PIP5K1A: variants seen among roughly 807,000 people sequenced by gnomAD.
PIP5K1A encodes the protein phosphatidylinositol 4-phosphate 5-kinase type-1 alpha.
A neutral mutation model predicts 72.9 loss-of-function variants in PIP5K1A; 46 were observed. The ratio of observed to expected loss-of-function variants is 0.63; its 90% CI spans 0.50 to 0.81. PIP5K1A has a LOEUF of 0.81. Ranked by LOEUF, PIP5K1A falls within the 30% of genes least tolerant of loss-of-function variation. PIP5K1A has a pLI of 0.00. For missense variants in PIP5K1A, 458 were observed against 706.1 expected, an observed-to-expected ratio of 0.65 and a Z score of 3.98; for synonymous variants, 228 against 255.1, an observed-to-expected ratio of 0.89 and a Z score of 1.01.
intron 1 of PIP5K1A, among the ~76,000 whole-genome samples, chr1:151,202,875 C>G (rs967667969): frequency 6.6e-6 from 1 of 151,654 alleles, no homozygotes; most frequent in African/African-American, 2.4e-5. Context: ...AGAGTTCAAG[C>G]GATTCTCCTG....
In PIP5K1A at chr1:151,232,268, C is replaced by T; in HGVS notation, c.389C>T (p.Pro130Leu). 8 of 1,613,304 alleles carry T rather than the reference C, an allele frequency of 5.0e-6. No individual in the cohort carries two copies. Among genetic ancestry groups the T allele is most frequent in the Non-Finnish European group, 6.8e-6 (8 of 1,179,220 alleles). ...FFPSEGSNLT[P>L]AHHYNDFRFK... Reference sequence around the variant, plus strand: ...CACAGTGAAGGGAGCAACCTGACCCCTGCTCATCACTACAATGACTTTCGT... The same window carrying T: ...CACAGTGAAGGGAGCAACCTGACCCTTGCTCATCACTACAATGACTTTCGT... The change falls in exon 6 of 16, where the codon CCT (proline) becomes CTT (leucine). Residue 130 changes from proline (P) to leucine (L), a missense_variant. This residue lies in a region of PIP5K1A where 220 missense variants were observed against 442.6 expected (regional missense o/e 0.50). Transcript: ENST00000368888.
At chr1:151,199,146 C>G (rs867826950) in intron 1 of PIP5K1A, 65 bp downstream of exon 1, 6 of 1,610,752 alleles carry the variant, frequency 3.7e-6, no homozygotes, top group South Asian at 1.1e-5. Context: ...AGAGCGAGAC[C>G]TAAGAGGGTA....
At chr1:151,199,407 G>A (rs1441034298) in intron 1 of PIP5K1A, among the ~76,000 whole-genome samples, 4 of 152,106 alleles carry the variant, frequency 2.6e-5, no homozygotes, top group Non-Finnish European at 4.4e-5. Flanking sequence ...GAGGTCAGAA[G>A]TTCGAGACGA....
At chr1:151,236,981 C>T (rs1037950334) in intron 9 of PIP5K1A, among the ~76,000 whole-genome samples, 7 of 152,066 alleles carry the variant, frequency 4.6e-5, no homozygotes, top group African/African-American at 1.7e-4. Context: ...GCACCTGCCA[C>T]CACACCCAGC....
chr1:151,221,097 C>G (rs1318408685), intron 1 of PIP5K1A, among the ~76,000 whole-genome samples: 1 of 152,110 alleles, frequency 6.6e-6, no homozygotes, highest in East Asian at 1.9e-4. Flanking sequence ...TTGGTTATTT[C>G]TCTCTTAAAT....
chr1:151,212,264 A>C (rs1686932492), intron 1 of PIP5K1A, among the ~76,000 whole-genome samples: 1 of 152,194 alleles, frequency 6.6e-6, no homozygotes, highest in African/African-American at 2.4e-5. Flanking sequence ...AACCATCTTA[A>C]AGTTCAGCTC....
rs754758863 is a variant in PIP5K1A at position 151,232,385 on chromosome 1, G to T, written c.486+20G>T. Reference sequence around the variant, plus strand: ...TACTTGGTAAGCATCTGGATATCAGGACACTGTGACTCCAGTATCAGAGGG... The same window carrying T: ...TACTTGGTAAGCATCTGGATATCAGTACACTGTGACTCCAGTATCAGAGGG... On this transcript the variant is annotated intron_variant, in intron 6 of 15. Coordinates refer to ENST00000368888, the MANE Select transcript of PIP5K1A (RefSeq NM_001135638.2). 1 of 1,545,336 alleles carries T rather than the reference G, an allele frequency of 6.5e-7. No individual in the cohort carries two copies. Among genetic ancestry groups the T allele is most frequent in the Non-Finnish European group, 9.0e-7 (1 of 1,117,318 alleles).
intron 1 of PIP5K1A, among the ~76,000 whole-genome samples, chr1:151,209,267 C>G (rs587754487): frequency 5.2e-4 from 79 of 151,896 alleles, no homozygotes; most frequent in Admixed American, 1.9e-3. Context: ...TGTAAGGGAT[C>G]TTGCTTTTTT....
chr1:151,233,158 C>G (rs1193127372), intron 7 of PIP5K1A, among the ~76,000 whole-genome samples: 3 of 151,156 alleles, frequency 2.0e-5, no homozygotes, highest in Non-Finnish European at 4.4e-5. Context: ...TTTCTTTTGC[C>G]TCTCTATGGT....
chr1:151,198,461 CA>C (rs1272758306), upstream of PIP5K1A: 7 of 205,478 alleles, frequency 3.4e-5, no homozygotes, highest in East Asian at 8.2e-4. Context: ...CTCACGTGAC[CA>C]TTAGCAGCCT....
upstream of PIP5K1A, among the ~76,000 whole-genome samples, chr1:151,197,742 C>A (rs587608410): frequency 2.6e-5 from 4 of 152,292 alleles, no homozygotes; most frequent in East Asian, 7.7e-4. Flanking sequence ...GCTGGAGATA[C>A]AAGAGTGAAC....
intron 10 of PIP5K1A, among the ~76,000 whole-genome samples, 180 bp from the exon 11 acceptor site, chr1:151,238,950 C>G (rs944284209): frequency 6.6e-6 from 1 of 152,228 alleles, no homozygotes; most frequent in African/African-American, 2.4e-5. Context: ...ACATTGGTCT[C>G]TGTGATGAAC....
intron 3 of PIP5K1A, among the ~76,000 whole-genome samples, chr1:151,226,713 CAA>C (rs112650908): frequency 1.2e-4 from 15 of 124,766 alleles, no homozygotes; most frequent in Non-Finnish European, 1.2e-4. Flanking sequence ...AACTCTGTCT[CAA>C]AAAAAAAAAA....
intron 1 of PIP5K1A, among the ~76,000 whole-genome samples, chr1:151,216,340 C>G (rs1286168771): frequency 6.8e-6 from 1 of 147,258 alleles, no homozygotes; most frequent in East Asian, 2.0e-4. Flanking sequence ...CAGAGCAAGA[C>G]TCCGTCTCAA....
intron 4 of PIP5K1A, among the ~76,000 whole-genome samples, chr1:151,228,440 G>A (rs1413452541): frequency 1.3e-5 from 2 of 152,140 alleles, no homozygotes; most frequent in African/African-American, 2.4e-5. Context: ...GTGATTGACC[G>A]TGTCTCACCC....
intron 1 of PIP5K1A, among the ~76,000 whole-genome samples, chr1:151,212,318 T>C (rs891548352): frequency 3.3e-5 from 5 of 152,200 alleles, no homozygotes; most frequent in African/African-American, 1.2e-4. Context: ...TCTCAGATTA[T>C]ACTGATGGAT....
upstream of PIP5K1A, among the ~76,000 whole-genome samples, chr1:151,195,884 A>ATTTTTTTTTTTTTTTTTTT (rs1157195462): frequency 3.2e-5 from 2 of 62,294 alleles, 1 homozygote; most frequent in Non-Finnish European, 5.4e-5. Context: ...ACACCAGCCG[A>ATTTTTTTTTTTTTTTTTTT]TTTTTTTTTT....
chr1:151,240,149 C>G, intron 12 of PIP5K1A, 110 bp downstream of exon 12: 2 of 750,800 alleles, frequency 2.7e-6, no homozygotes, highest in Non-Finnish European at 4.7e-6. Context: ...CCAGAGGCCT[C>G]TCCTTCCACC....
chr1:151,198,085 C>A (rs1684713665), upstream of PIP5K1A: 5 of 470,940 alleles, frequency 1.1e-5, no homozygotes, highest in Non-Finnish European at 2.2e-5. Flanking sequence ...GCAAACAAAA[C>A]ACAGATCTAT....
Sources: allele counts gnomAD v4.1 joint callset (sites outside exome capture counted in the v4.1 genomes callset), GRCh38; gene constraint gnomAD v4.1.1; regional missense constraint gnomAD v4.1.1; transcripts MANE v1.5; gene names NCBI Gene and HGNC (gene_info 2026-07-23, HGNC 2026-07-21).